The following NTMT1 variants were observed in gnomAD, a reference collection of about 807,000 sequenced individuals.
NTMT1 encodes the protein N-terminal RCC1 methyltransferase.
A neutral mutation model predicts 17.5 loss-of-function variants in NTMT1; 8 were observed. The ratio of observed to expected loss-of-function variants is 0.46; its 90% CI spans 0.27 to 0.82. The LOEUF is 0.82. Ranked by LOEUF, NTMT1 falls within the 40% of genes least tolerant of loss-of-function variation. The pLI is 0.15. For synonymous variants in NTMT1, 128 were observed against 126.8 expected (o/e 1.01, Z -0.06); for missense variants, 221 against 303.5 (o/e 0.73, Z 2.02).
At chr9:129,624,298 T>C (rs1858388147), upstream of NTMT1, among the ~76,000 whole-genome samples, 1 of 152,204 alleles carries the variant, frequency 6.6e-6, no homozygotes, top group Admixed American at 6.5e-5. Context: ...GGCTGGATTT[T>C]TAGGCATACA....
rs1010498787 is a variant in NTMT1, at chr9:129,632,632, G to A, written c.-54-18G>A. On this transcript the variant is annotated intron_variant, in intron 1 of 3. Coordinates refer to ENST00000372483, the MANE Select transcript of NTMT1 (RefSeq NM_014064.4). ...CCAGGTCCCTGGCCCGCTGACTCACGCCCCCTTCCTTACCCAGGAGAGTCG... is the reference window on the plus strand; with the variant it reads ...CCAGGTCCCTGGCCCGCTGACTCACACCCCCTTCCTTACCCAGGAGAGTCG... 6 of 1,579,298 alleles carry A rather than the reference G, an allele frequency of 3.8e-6. No homozygotes were observed. In the African/African-American group the frequency reaches 4.0e-5, roughly 11 times the overall value.
In NTMT1 at chr9:129,614,515, G is replaced by A. The variant is rs1233750978; in HGVS notation, c.-55+5337G>A. Among the ~76,000 whole-genome samples, 1 of 152,186 alleles carries A rather than the reference G, an allele frequency of 6.6e-6. No homozygotes were observed. Among genetic ancestry groups the A allele is most frequent in the Non-Finnish European group, 1.5e-5 (1 of 68,042 alleles). On this transcript the variant is annotated intron_variant, in intron 1 of 3. Coordinates refer to the NTMT1 transcript ENST00000372486. The surrounding 1 kb of genome is among the most constrained non-coding windows in gnomAD (Gnocchi z 4.4). The stretch of plus-strand genomic sequence containing the variant: ...TGGGGGCTGCTGGATCCTGAGAAGA[G>A]GCTGGGCACACAGAAAAAGGTGGAG...
At chr9:129,634,704 C>G (rs1025092236) in intron 3 of NTMT1, 3 of 229,076 alleles carry the variant, frequency 1.3e-5, no homozygotes, top group Non-Finnish European at 2.6e-5. Context: ...AGCGCTGTGC[C>G]CTGGGCTGCT....
At chr9:129,610,390 A>T (rs1185470536) in intron 1 of NTMT1, among the ~76,000 whole-genome samples, 4 of 149,924 alleles carry the variant, frequency 2.7e-5, no homozygotes, top group Non-Finnish European at 5.9e-5. Flanking sequence ...CGGGGGCTCC[A>T]CGCGGACTCC....
In NTMT1 at chr9:129,613,317, G is replaced by T; in HGVS notation, c.-55+4139G>T. 1 of 1,564,068 alleles carries T rather than the reference G, an allele frequency of 6.4e-7. No homozygotes were observed. Among genetic ancestry groups the T allele is most frequent in the East Asian group, 2.3e-5 (1 of 44,296 alleles). On this transcript the variant is annotated intron_variant, in intron 1 of 3. Coordinates refer to the NTMT1 transcript ENST00000372486. The surrounding 1 kb of genome is among the most constrained non-coding windows in gnomAD (Gnocchi z 6.2). ...TCCCCGGCCCACCCATGGCTGGCAG[G>T]GCCCTTGAGGACCCACACTGGCAAC...
rs1052778015 is a variant in NTMT1 at position 129,614,201 on chromosome 9, C to T, written c.-55+5023C>T. Among the ~76,000 whole-genome samples the T allele has an allele frequency of 1.3e-5, 2 of 152,190 alleles. No individual in the cohort carries two copies. The highest frequency in any genetic ancestry group is 4.8e-5 in the African/African-American group (2 of 41,436). On this transcript the variant is annotated intron_variant, in intron 1 of 3. Transcript: ENST00000372486. This position sits in a 1 kb window ranked among gnomAD's most constrained non-coding sequence, Gnocchi z 4.4. ...CTGGCCTTGGATTCCCAAGAGGGGC[C>T]CGGGGTCACTCTGGCTTCTATATGT... is the stretch of plus-strand genomic sequence containing the variant.
chr9:129,629,373 G>A (rs1236388370), intron 1 of NTMT1, among the ~76,000 whole-genome samples: 2 of 118,302 alleles, frequency 1.7e-5, no homozygotes, highest in Non-Finnish European at 3.5e-5. Flanking sequence ...GGCAGGTCTG[G>A]TGGGAAGAAG....
intron 1 of NTMT1, chr9:129,619,976 TGGGTGGTG>T: frequency 6.8e-7 from 1 of 1,470,392 alleles, no homozygotes; most frequent in Non-Finnish European, 9.2e-7. Context: ...CCTTCTAGCC[TGGGTGGTG>T]GGGTGGTGGG....
At chr9:129,619,953 C>T (rs962396918) in intron 1 of NTMT1, 32 of 1,486,734 alleles carry the variant, frequency 2.2e-5, no homozygotes, top group Non-Finnish European at 2.9e-5. Context: ...AGATACTCAG[C>T]TAACATTAGC....
Position 129,632,252 on chromosome 9 carries a change from C to T in NTMT1, c.-54-398C>T, listed in dbSNP as rs529449285. 2.0e-5 allele frequency among the ~76,000 whole-genome samples: 3 copies of T among 152,182 alleles called. No homozygotes were observed. The East Asian group carries it at 5.8e-4, about 29-fold the overall frequency. ...TCTCTTGAGGTCAGGACTTCAAGAC[C>T]AACCTTTGTAACATAGTGAGACCCC... On this transcript the variant is annotated intron_variant, in intron 1 of 3. Coordinates refer to ENST00000372483, the MANE Select transcript of NTMT1 (RefSeq NM_014064.4).
At position 129,613,756 on chromosome 9, in the gene NTMT1, G is replaced by C. The variant is rs1415350466; in HGVS notation, c.-55+4578G>C. 6.6e-6 allele frequency among the ~76,000 whole-genome samples: 1 copy of C among 152,172 alleles called. No individual in the cohort carries two copies. The highest frequency in any genetic ancestry group is 2.4e-5 in the African/African-American group (1 of 41,438). Reference sequence around the variant, plus strand: ...TTCTGGCTGCCTCCAGAGAAGCCTTGGGTTTTAAAACCACCTTGCGTGACC... The same window carrying C: ...TTCTGGCTGCCTCCAGAGAAGCCTTCGGTTTTAAAACCACCTTGCGTGACC... On this transcript the variant is annotated intron_variant, in intron 1 of 3. Transcript: ENST00000372486. This position sits in a 1 kb window ranked among gnomAD's most constrained non-coding sequence, Gnocchi z 6.2.
chr9:129,612,967 G>C, intron 1 of NTMT1: 3 of 1,087,640 alleles, frequency 2.8e-6, no homozygotes, highest in Non-Finnish European at 3.9e-6. Flanking sequence ...CGTGGCCACT[G>C]CAAGCCCCCA....
At chr9:129,632,970 G>A (rs529777228) in intron 2 of NTMT1, 105 bp downstream of exon 2, 3 of 1,295,514 alleles carry the variant, frequency 2.3e-6, no homozygotes, top group Non-Finnish European at 3.2e-6. Flanking sequence ...CAGGATTGTT[G>A]GCTATCTCTT....
chr9:129,626,357 C>G (rs1033053016), intron 1 of NTMT1, 62 bp downstream of exon 1: 7 of 152,384 alleles, frequency 4.6e-5, no homozygotes, highest in African/African-American at 1.4e-4. Context: ...GCTGCGACCC[C>G]TAACTGTTTC....
intron 1 of NTMT1, among the ~76,000 whole-genome samples, chr9:129,610,803 G>A (rs1172532933): frequency 6.6e-6 from 1 of 152,206 alleles, no homozygotes; most frequent in Non-Finnish European, 1.5e-5. Context: ...GGCGACGTGG[G>A]CTGCGCAAGG....
At position 129,613,125 on chromosome 9, in the gene NTMT1, C is replaced by A; in HGVS notation, c.-55+3947C>A. ...TGCCCACCTGCTCCAGGTTTCTGTG[C>A]GGGTCCAAGAAGGCTCGGAGGCTGC... On this transcript the variant is annotated intron_variant, in intron 1 of 3. Transcript: ENST00000372486. The surrounding 1 kb of genome is among the most constrained non-coding windows in gnomAD (Gnocchi z 6.2). The A allele has an allele frequency of 3.1e-6, 5 of 1,613,860 alleles. No homozygotes were observed. Among genetic ancestry groups the A allele is most frequent in the Non-Finnish European group, 4.2e-6 (5 of 1,179,990 alleles).
rs750653406 is a variant in NTMT1 at position 129,632,663 on chromosome 9, GC to G, written c.-40del. On this transcript the variant is annotated 5_prime_UTR_variant, in exon 2 of 4. Transcript: ENST00000372483. ...TTCCTTACCCAGGAGAGTCGCGGTT[GC>G]TGATCGTGGTGCTTGAGTAGAGCCG... 6.2e-7 allele frequency: 1 copy of G among 1,608,522 alleles called. No homozygotes were observed. Among genetic ancestry groups the G allele is most frequent in the Non-Finnish European group, 8.5e-7 (1 of 1,175,518 alleles).
Position 129,620,840 on chromosome 9 carries a change from A to G in NTMT1, c.-55+11662A>G. 2.7e-6 allele frequency: 1 copy of G among 364,922 alleles called. No homozygotes were observed. Among genetic ancestry groups the G allele is most frequent in the Non-Finnish European group, 4.9e-6 (1 of 204,992 alleles). 22.6% of individuals were successfully genotyped at this position (364,922 alleles called of 1,614,324 possible). On this transcript the variant is annotated intron_variant, in intron 1 of 3. Transcript: ENST00000372486. The surrounding 1 kb of genome is among the most constrained non-coding windows in gnomAD (Gnocchi z 5.8). ...ACGTTTAAATGAGCAAGTACATGCC[A>G]GTCTTAGAACAGCAAGCTCGGTACA... is the stretch of plus-strand genomic sequence containing the variant.
At chr9:129,615,790 G>T in intron 1 of NTMT1, 1 of 959,882 alleles carries the variant, frequency 1.0e-6, no homozygotes, top group Non-Finnish European at 1.4e-6. Flanking sequence ...ACAGCAGCCG[G>T]CCTTAACGGA....
Sources: allele counts gnomAD v4.1 joint callset (sites outside exome capture counted in the v4.1 genomes callset), GRCh38; gene constraint gnomAD v4.1.1; non-coding constraint Gnocchi (gnomAD v3.1); transcripts MANE v1.5; gene names NCBI Gene and HGNC (gene_info 2026-07-23, HGNC 2026-07-21).